The following CDH8 variants were observed in gnomAD, a reference collection of about 807,000 sequenced individuals.
The protein encoded by CDH8 is cadherin-8.
CDH8 carries 17 observed loss-of-function variants against 68.1 expected under a neutral mutation model. The observed-to-expected ratio is 0.25, with a 90% CI of 0.17 to 0.37. CDH8 has a LOEUF of 0.37. CDH8 is among the 10% of genes least tolerant of loss of function. The pLI is 1.00. For missense variants in CDH8, 763 were observed against 999.3 expected (o/e 0.76, Z 3.19); for synonymous variants, 372 against 365.1 (o/e 1.02, Z -0.21).
At position 61,882,877 on chromosome 16, in the gene CDH8, TTAAAA is replaced by T. The variant is rs1286456006; in HGVS notation, c.547+18297_547+18301del. Among the ~76,000 whole-genome samples, 9 of 152,278 alleles carry T rather than the reference TTAAAA, an allele frequency of 5.9e-5. No individual in the cohort carries two copies. In the South Asian group the frequency reaches 1.7e-3, roughly 28 times the overall value. On this transcript the variant is annotated intron_variant, in intron 3 of 11. Transcript: ENST00000577390. The stretch of plus-strand genomic sequence containing the variant: ...ACATCTTGCACATGTACCCCTGAAC[TTAAAA>T]TAAAATAAGCTGGAAAAAAGAAGTA...
rs543772360 is a variant in CDH8 at position 61,734,156 on chromosome 16, A to C, written c.1415-6941T>G. On this transcript the variant is annotated intron_variant, in intron 8 of 11. Transcript: ENST00000577390. ...CAGTGTTGAATTATACACTAGACTG[A>C]GAGATATGAAGAAAAGCAGACAGTT... 7.8e-4 allele frequency among the ~76,000 whole-genome samples: 118 copies of C among 152,194 alleles called. 1 individual carries two copies. The highest frequency in any genetic ancestry group is 2.6e-3 in the African/African-American group (108 of 41,548).
At chr16:62,020,291 C>T (rs998622606) in intron 2 of CDH8, among the ~76,000 whole-genome samples, 6 of 152,078 alleles carry the variant, frequency 3.9e-5, no homozygotes, top group Non-Finnish European at 5.9e-5. Flanking sequence ...TTGGCAGGCT[C>T]ATAATTGGAA....
At chr16:61,959,253 C>A (rs571052902) in intron 2 of CDH8, among the ~76,000 whole-genome samples, 110 of 152,168 alleles carry the variant, frequency 7.2e-4, no homozygotes, top group African/African-American at 2.5e-3. Context: ...TAACTATAGA[C>A]CTTGTGGTGC....
chr16:61,944,544 AT>A (rs1250140182), intron 2 of CDH8, among the ~76,000 whole-genome samples: 1 of 152,236 alleles, frequency 6.6e-6, no homozygotes, highest in Non-Finnish European at 1.5e-5. Flanking sequence ...AAAATCAGGA[AT>A]AATTTTGGCA....
intron 11 of CDH8, among the ~76,000 whole-genome samples, chr16:61,654,955 T>C (rs769975094): frequency 3.9e-5 from 6 of 152,244 alleles, no homozygotes; most frequent in Admixed American, 6.5e-5. Context: ...TCATTTTAAA[T>C]TGATGTTTAT....
intron 9 of CDH8, among the ~76,000 whole-genome samples, chr16:61,716,756 C>A (rs1259870491): frequency 6.6e-6 from 1 of 151,708 alleles, no homozygotes; most frequent in Non-Finnish European, 1.5e-5. Context: ...TTTGGTTAAA[C>A]CACATTTGAC....
chr16:61,956,092 T>C (rs753478014), intron 2 of CDH8, among the ~76,000 whole-genome samples: 1 of 152,204 alleles, frequency 6.6e-6, no homozygotes, highest in Non-Finnish European at 1.5e-5. Context: ...TATTAAAATA[T>C]GTTTAACTTT....
chr16:61,746,556 A>ACACACACACACAC (rs1960027163), intron 8 of CDH8, among the ~76,000 whole-genome samples: 1 of 140,110 alleles, frequency 7.1e-6, no homozygotes, highest in African/African-American at 2.6e-5. Flanking sequence ...ATTCCCCCCC[A>ACACACACACACAC]ACACACACAC....
At chr16:61,667,457 A>T (rs1233492927) in intron 10 of CDH8, 1 of 151,984 alleles carries the variant, frequency 6.6e-6, no homozygotes, top group Non-Finnish European at 1.5e-5. Flanking sequence ...CTGCACTGTA[A>T]CCATCTAGCA....
At chr16:61,809,903 G>C (rs537662323) in intron 7 of CDH8, among the ~76,000 whole-genome samples, 1 of 152,270 alleles carries the variant, frequency 6.6e-6, no homozygotes, top group African/African-American at 2.4e-5. Flanking sequence ...AAAGTGACCC[G>C]GTCACCCTAT....
chr16:61,714,219 T>A (rs1964680562), intron 9 of CDH8: 1 of 403,304 alleles, frequency 2.5e-6, no homozygotes, highest in African/African-American at 2.1e-5. Flanking sequence ...ATAGCAAAGT[T>A]AAGTGTATTT....
intron 2 of CDH8, among the ~76,000 whole-genome samples, chr16:62,000,376 C>T (rs894931961): frequency 3.9e-5 from 6 of 152,146 alleles, no homozygotes; most frequent in Non-Finnish European, 2.9e-5. Flanking sequence ...GGATTCTCCA[C>T]ACTGTCTTCC....
intron 3 of CDH8, among the ~76,000 whole-genome samples, chr16:61,860,091 T>A (rs758454565): frequency 6.6e-6 from 1 of 152,132 alleles, no homozygotes; most frequent in Non-Finnish European, 1.5e-5. Context: ...TCTGCCCACC[T>A]CTGCCTCCCA....
At chr16:61,808,049 A>T (rs1430293213) in intron 7 of CDH8, among the ~76,000 whole-genome samples, 1 of 152,250 alleles carries the variant, frequency 6.6e-6, no homozygotes, top group East Asian at 1.9e-4. Flanking sequence ...CACTGTACTA[A>T]AATGCTAAAT....
At chr16:62,034,567 A>G (rs1472445902) in intron 1 of CDH8, among the ~76,000 whole-genome samples, 1 of 152,080 alleles carries the variant, frequency 6.6e-6, no homozygotes, top group African/African-American at 2.4e-5. Flanking sequence ...GCGAGAGGAC[A>G]GTACTCTCGC....
intron 1 of CDH8, among the ~76,000 whole-genome samples, chr16:62,033,063 T>C (rs1256291975): frequency 1.3e-5 from 2 of 152,178 alleles, no homozygotes; most frequent in Non-Finnish European, 2.9e-5. Context: ...TGTGCTTTGT[T>C]CCAACAATCT....
chr16:61,762,102 A>G (rs1401221690), intron 8 of CDH8, among the ~76,000 whole-genome samples: 1 of 152,194 alleles, frequency 6.6e-6, no homozygotes, highest in Non-Finnish European at 1.5e-5. Flanking sequence ...AGGTAGGCAG[A>G]TATGGTGGGA....
At chr16:61,722,306 T>A (rs1054699124) in intron 9 of CDH8, among the ~76,000 whole-genome samples, 1 of 150,846 alleles carries the variant, frequency 6.6e-6, no homozygotes, top group South Asian at 2.1e-4. Flanking sequence ...CAAAAATTTA[T>A]TTGACAATAC....
At chr16:61,789,307 A>G (rs1221800782) in intron 8 of CDH8, 39 bp downstream of exon 8, 1 of 1,583,314 alleles carries the variant, frequency 6.3e-7, no homozygotes. Context: ...AATTGAACTC[A>G]GTCACACAAG....
Sources: allele counts gnomAD v4.1 joint callset (sites outside exome capture counted in the v4.1 genomes callset), GRCh38; gene constraint gnomAD v4.1.1; transcripts MANE v1.5; gene names NCBI Gene and HGNC (gene_info 2026-07-23, HGNC 2026-07-21).